The following POLR3G variants were observed in gnomAD, a reference collection of about 807,000 sequenced individuals.
POLR3G encodes the protein RNA polymerase III subunit G.
POLR3G carries 28 observed loss-of-function variants against 30.1 expected under a neutral mutation model. The observed-to-expected ratio is 0.93, with a 90% CI of 0.69 to 1.27. The LOEUF is 1.27. Among genes scored for constraint, POLR3G ranks in the 50% most tolerant of loss-of-function variants. The probability of loss-of-function intolerance (pLI) is 0.00; values close to 1 mark genes in which losing one functional copy is unlikely to be tolerated. For missense variants in POLR3G, 254 were observed against 264.6 expected, an observed-to-expected ratio of 0.96 and a Z score of 0.28; for synonymous variants, 79 against 82.5, an observed-to-expected ratio of 0.96 and a Z score of 0.23.
chr5:90,484,877 G>C (rs1751355653), intron 1 of POLR3G, among the ~76,000 whole-genome samples: 1 of 152,174 alleles, frequency 6.6e-6, no homozygotes. Context: ...TACATTGGCA[G>C]CTCAGTTCTC....
At chr5:90,475,753 C>A (rs774764734) in intron 1 of POLR3G, among the ~76,000 whole-genome samples, 22 of 152,112 alleles carry the variant, frequency 1.4e-4, no homozygotes, top group Non-Finnish European at 2.4e-4. Flanking sequence ...TCTCTGTTGC[C>A]CAGTCTGGAG....
At chr5:90,509,220 C>T (rs1404603411) in intron 7 of POLR3G, among the ~76,000 whole-genome samples, 6 of 152,120 alleles carry the variant, frequency 3.9e-5, no homozygotes. Flanking sequence ...TTTTTATGGT[C>T]TCTGGAGTTC....
At chr5:90,500,600 G>A (rs1446178488) in intron 5 of POLR3G, among the ~76,000 whole-genome samples, 2 of 151,952 alleles carry the variant, frequency 1.3e-5, no homozygotes, top group African/African-American at 4.8e-5. Context: ...CTTTGCCCTC[G>A]AGGGGGTCAG....
chr5:90,484,833 A>G (rs779611964), intron 1 of POLR3G, among the ~76,000 whole-genome samples: 3 of 152,238 alleles, frequency 2.0e-5, no homozygotes, highest in Admixed American at 6.5e-5. Flanking sequence ...GCAGACTTCT[A>G]TTGAAAGAAC....
At chr5:90,510,711 C>A (rs758559339) in intron 7 of POLR3G, among the ~76,000 whole-genome samples, 7 of 152,004 alleles carry the variant, frequency 4.6e-5, no homozygotes, top group Non-Finnish European at 7.4e-5. Context: ...GGCCAACTTT[C>A]CAGAGATGGG....
At chr5:90,477,248 G>A (rs1312198707) in intron 1 of POLR3G, among the ~76,000 whole-genome samples, 1 of 152,198 alleles carries the variant, frequency 6.6e-6, no homozygotes, top group East Asian at 1.9e-4. Flanking sequence ...GATGTGGCAG[G>A]AAGGGCACTC....
At chr5:90,482,436 TG>T (rs1385344994) in intron 1 of POLR3G, among the ~76,000 whole-genome samples, 1 of 152,222 alleles carries the variant, frequency 6.6e-6, no homozygotes, top group Non-Finnish European at 1.5e-5. Flanking sequence ...GGGCATAGGC[TG>T]AACTAACTTT....
chr5:90,485,797 TAAAGG>T (rs1751410879), intron 2 of POLR3G, 113 bp downstream of exon 2: 1 of 686,610 alleles, frequency 1.5e-6, no homozygotes, highest in East Asian at 2.7e-5. Context: ...TATAAGAAAG[TAAAGG>T]AGAGTGTGTT....
intron 7 of POLR3G, among the ~76,000 whole-genome samples, chr5:90,508,432 A>G (rs553318725): frequency 1.3e-5 from 2 of 149,854 alleles, no homozygotes; most frequent in South Asian, 2.1e-4. Context: ...CCCTTTCCAT[A>G]TTTTTAACCT....
At chr5:90,509,376 A>T (rs962645397) in intron 7 of POLR3G, among the ~76,000 whole-genome samples, 1 of 152,154 alleles carries the variant, frequency 6.6e-6, no homozygotes, top group African/African-American at 2.4e-5. Flanking sequence ...ACCTATAGTA[A>T]GTGTACACTA....
chr5:90,510,649 C>T (rs1752695200), intron 7 of POLR3G, among the ~76,000 whole-genome samples: 1 of 152,120 alleles, frequency 6.6e-6, no homozygotes, highest in African/African-American at 2.4e-5. Context: ...AGGCCCCAAG[C>T]TTCACCCAGG....
At chr5:90,495,767 T>A (rs1751954066) in intron 4 of POLR3G, 34 bp downstream of exon 4, 1 of 1,555,626 alleles carries the variant, frequency 6.4e-7, no homozygotes, top group African/African-American at 1.4e-5. Context: ...AAAACAGTTT[T>A]TAAAGGCTGT....
chr5:90,489,411 G>A (rs1015971020), intron 3 of POLR3G, among the ~76,000 whole-genome samples: 3 of 151,800 alleles, frequency 2.0e-5, no homozygotes, highest in South Asian at 2.1e-4. Context: ...AATTGCAGAC[G>A]CACAGCACCA....
At chr5:90,509,021 A>T (rs1353090792) in intron 7 of POLR3G, among the ~76,000 whole-genome samples, 1 of 152,216 alleles carries the variant, frequency 6.6e-6, no homozygotes, top group Non-Finnish European at 1.5e-5. Flanking sequence ...AGATCGTGCC[A>T]CTGCACTCCA....
chr5:90,501,225 C>T (rs548239719), intron 5 of POLR3G, among the ~76,000 whole-genome samples: 1 of 152,122 alleles, frequency 6.6e-6, no homozygotes, highest in East Asian at 1.9e-4. Context: ...ACATTTTTTG[C>T]ACATATATAT....
intron 2 of POLR3G, among the ~76,000 whole-genome samples, chr5:90,487,455 G>C (rs951101641): frequency 1.5e-5 from 2 of 133,404 alleles, no homozygotes; most frequent in Admixed American, 8.3e-5. Flanking sequence ...ACAGTGGCGC[G>C]ATCTTGGCTC....
At chr5:90,503,592 A>T (rs1752354019) in intron 6 of POLR3G, among the ~76,000 whole-genome samples, 1 of 152,216 alleles carries the variant, frequency 6.6e-6, no homozygotes, top group Non-Finnish European at 1.5e-5. Context: ...TCTACATTTA[A>T]ACACAATTTT....
chr5:90,496,579 A>G (rs1752009259), intron 4 of POLR3G, among the ~76,000 whole-genome samples: 1 of 152,210 alleles, frequency 6.6e-6, no homozygotes, highest in Admixed American at 6.5e-5. Context: ...TGTAAAGGAG[A>G]TCTCATCCCA....
chr5:90,487,264 T>A (rs1377630000), intron 2 of POLR3G, among the ~76,000 whole-genome samples: 1 of 152,000 alleles, frequency 6.6e-6, no homozygotes, highest in African/African-American at 2.4e-5. Context: ...GCTGCTGCTT[T>A]TTTATTTATT....
Sources: gnomAD v4.1 joint callset for allele counts (sites outside exome capture counted in the v4.1 genomes callset) on GRCh38, gnomAD v4.1.1 for gene constraint, MANE v1.5 for transcripts, NCBI Gene and HGNC (gene_info 2026-07-23, HGNC 2026-07-21) for gene names.